Variants in DR1 observed in about 807,000 individuals in gnomAD.
DR1 encodes protein Dr1.
In DR1, 7 loss-of-function variants were observed where a neutral mutation model predicts 19.9. The ratio of observed to expected loss-of-function variants is 0.35; its 90% CI spans 0.20 to 0.66. The LOEUF (loss-of-function observed/expected upper bound fraction) is 0.66, where lower values mean the gene tolerates loss of function less well. Ranked by LOEUF, DR1 falls within the 30% of genes least tolerant of loss-of-function variation. The pLI, the probability that DR1 is intolerant of heterozygous loss-of-function variation, is 0.66. For synonymous variants in DR1, 76 were observed against 72.5 expected (o/e 1.05, Z -0.24); for missense variants, 98 against 203.7 (o/e 0.48, Z 3.16).
intron 2 of DR1, among the ~76,000 whole-genome samples, chr1:93,357,498 C>T (rs1035677812): frequency 6.9e-6 from 1 of 145,806 alleles, no homozygotes; most frequent in African/African-American, 2.5e-5. Flanking sequence ...GTCTGGACAA[C>T]ATAGCAAGAC....
chr1:93,361,395 T>G lies in DR1; in HGVS notation c.*756T>G, dbSNP rs2101640656. The G allele has an allele frequency of 6.5e-6, 1 of 152,704 alleles. No individual in the cohort carries two copies. Among genetic ancestry groups the G allele is most frequent in the South Asian group, 2.1e-4 (1 of 4,826 alleles). The allele number at this position is 152,704 out of a possible 1,614,324, so 9.5% of individuals were successfully genotyped here. A position where few individuals can be genotyped will look rare whatever the true frequency, so the allele number is the denominator to read the frequency against. ...ATGATTTTTACTCTTTCACTCCAAT[T>G]CAGTAATTGTTGATAGTATTACTTA... is the stretch of plus-strand genomic sequence containing the variant. On this transcript the variant is annotated 3_prime_UTR_variant, in exon 3 of 3. Coordinates refer to ENST00000370272, the MANE Select transcript of DR1 (RefSeq NM_001938.3).
intron 1 of DR1, among the ~76,000 whole-genome samples, chr1:93,352,388 T>C (rs547922778): frequency 3.0e-4 from 46 of 152,302 alleles, no homozygotes; most frequent in African/African-American, 1.1e-3. Flanking sequence ...GAATTTGATA[T>C]ACAGAACTTA....
In DR1 at chr1:93,352,999, A is replaced by G. The variant is rs114208466; in HGVS notation, c.221-909A>G. ...ATCCTCAATCTCCTGGACTTAAGCA[A>G]TCCTCTCACCTCAGCCTCCTGAGTA... On this transcript the variant is annotated intron_variant, in intron 1 of 2. Coordinates refer to ENST00000370272, the MANE Select transcript of DR1 (RefSeq NM_001938.3). Among the ~76,000 whole-genome samples the G allele has an allele frequency of 8.3e-3, 1,258 of 151,572 alleles. 16 individuals carry two copies. Among genetic ancestry groups the G allele is most frequent in the African/African-American group, 0.029 (1,205 of 41,184 alleles).
rs914771948 is a variant in DR1, at chr1:93,363,203, C to T, written c.*2564C>T. On this transcript the variant is annotated 3_prime_UTR_variant, in exon 3 of 3. Transcript: ENST00000370272. The stretch of plus-strand genomic sequence containing the variant: ...TCCCCATCTTAACACTGTCTTCTTT[C>T]TTGCTGAAAGTTACTATCCTGACTT... 2 of 152,146 alleles carry T rather than the reference C, an allele frequency of 1.3e-5. No individual in the cohort carries two copies. The highest frequency in any genetic ancestry group is 4.8e-5 in the African/African-American group (2 of 41,434). 9.4% of individuals were successfully genotyped at this position (152,146 alleles called of 1,614,324 possible).
intron 2 of DR1, among the ~76,000 whole-genome samples, chr1:93,356,010 A>G (rs1666976144): frequency 6.6e-6 from 1 of 152,190 alleles, no homozygotes; most frequent in Non-Finnish European, 1.5e-5. Flanking sequence ...AGTCATTTTA[A>G]TATGTGGGAG....
chr1:93,368,298 TTA>T lies in DR1; in HGVS notation c.*7661_*7662del, dbSNP rs1667190497. 6.6e-6 allele frequency: 1 copy of T among 152,238 alleles called. No homozygotes were observed. Among genetic ancestry groups the T allele is most frequent in the East Asian group, 1.9e-4 (1 of 5,202 alleles). The allele number at this position is 152,238 out of a possible 1,614,324, so 9.4% of individuals were successfully genotyped here. ...TAGTACATACTGTTTCCTTTTAACT[TTA>T]TGTTTCTTGCCTTTGTATATTTTAT... On this transcript the variant is annotated 3_prime_UTR_variant, in exon 3 of 3. Coordinates refer to ENST00000370272, the MANE Select transcript of DR1 (RefSeq NM_001938.3).
At chr1:93,360,401 G>A (rs1667037526) in intron 2 of DR1, 92 bp from the exon 3 acceptor site, 1 of 1,215,728 alleles carries the variant, frequency 8.2e-7, no homozygotes, top group Non-Finnish European at 1.1e-6. Flanking sequence ...ATAATAAACT[G>A]TCTGAAATTG....
In DR1 at chr1:93,360,489, T is replaced by C; in HGVS notation, c.385-4T>C. On this transcript the variant is annotated splice_polypyrimidine_tract_variant and splice_region_variant and intron_variant, in intron 2 of 2. Transcript: ENST00000370272. ...TTATTTTTTTTTATGTTTTGGGTGTTTAGGCTAGACAGCAACAAGCAGAAT... is the reference window on the plus strand; with the variant it reads ...TTATTTTTTTTTATGTTTTGGGTGTCTAGGCTAGACAGCAACAAGCAGAAT... The C allele has an allele frequency of 6.4e-7, 1 of 1,563,062 alleles. No individual in the cohort carries two copies. The highest frequency in any genetic ancestry group is 8.6e-7 in the Non-Finnish European group (1 of 1,161,596).
At chr1:93,347,586 G>GT (rs922641707) in intron 1 of DR1, among the ~76,000 whole-genome samples, 37 of 148,562 alleles carry the variant, frequency 2.5e-4, no homozygotes, top group East Asian at 3.9e-4. Context: ...GTTTATGCAA[G>GT]TTTTTTTTTT....
In DR1 at chr1:93,364,323, A is replaced by G. The variant is rs961069485; in HGVS notation, c.*3684A>G. ...CTTAGAAAAAATGCAAATTTTAAGT[A>G]ATCGTAAGTAGTATGTTGAATTAGT... is the stretch of plus-strand genomic sequence containing the variant. On this transcript the variant is annotated 3_prime_UTR_variant, in exon 3 of 3. Coordinates refer to ENST00000370272, the MANE Select transcript of DR1 (RefSeq NM_001938.3). 6.6e-6 allele frequency: 1 copy of G among 152,206 alleles called. No individual in the cohort carries two copies. The highest frequency in any genetic ancestry group is 1.5e-5 in the Non-Finnish European group (1 of 68,026). The allele number at this position is 152,206 out of a possible 1,614,324, so 9.4% of individuals were successfully genotyped here. A position where few individuals can be genotyped will look rare whatever the true frequency, so the allele number is the denominator to read the frequency against.
chr1:93,369,238 A>G lies in DR1; in HGVS notation c.*8599A>G, dbSNP rs1169985614. ...TCTTCCACTAGAACTTTTTTCCCCA[A>G]AAATACTCTGGAAATACTGGAACAA... is the stretch of plus-strand genomic sequence containing the variant. On this transcript the variant is annotated 3_prime_UTR_variant, in exon 3 of 3. Transcript: ENST00000370272. 5.3e-5 allele frequency: 8 copies of G among 152,126 alleles called. No homozygotes were observed. Among genetic ancestry groups the G allele is most frequent in the Admixed American group, 5.2e-4 (8 of 15,270 alleles). The allele number at this position is 152,126 out of a possible 1,614,324, so 9.4% of individuals were successfully genotyped here.
chr1:93,353,779 TA>T, intron 1 of DR1, 128 bp from the exon 2 acceptor site: 1 of 663,210 alleles, frequency 1.5e-6, no homozygotes, highest in Non-Finnish European at 2.4e-6. Context: ...ATAAAATAGG[TA>T]AAATTATTAG....
chr1:93,355,918 C>G (rs1666974909), intron 2 of DR1: 1 of 152,104 alleles, frequency 6.6e-6, no homozygotes, highest in Admixed American at 6.5e-5. Flanking sequence ...CAATGACAGC[C>G]TCATTTGAAG....
intron 1 of DR1, among the ~76,000 whole-genome samples, chr1:93,349,770 A>G (rs925634910): frequency 6.6e-6 from 1 of 152,180 alleles, no homozygotes; most frequent in Non-Finnish European, 1.5e-5. Flanking sequence ...GTAAGATAAC[A>G]TGAAAATAGA....
chr1:93,347,878 TAATC>T (rs998152120), intron 1 of DR1, among the ~76,000 whole-genome samples: 45 of 152,294 alleles, frequency 3.0e-4, no homozygotes, highest in African/African-American at 1.1e-3. Context: ...CCTTTTGTAA[TAATC>T]TAATTAAAGT....
Position 93,360,672 on chromosome 1 carries a change from A to G in DR1, c.*33A>G, listed in dbSNP as rs758545007. 4 of 1,575,578 alleles carry G rather than the reference A, an allele frequency of 2.5e-6. No homozygotes were observed. Among genetic ancestry groups the G allele is most frequent in the Middle Eastern group, 1.8e-4 (1 of 5,614 alleles). The stretch of plus-strand genomic sequence containing the variant: ...CAGCTGAGTTTCTATTTCTTCTATA[A>G]ATGTTTTTCCCTGCACAACAAAAAC... On this transcript the variant is annotated 3_prime_UTR_variant, in exon 3 of 3. Coordinates refer to ENST00000370272, the MANE Select transcript of DR1 (RefSeq NM_001938.3).
intron 1 of DR1, among the ~76,000 whole-genome samples, chr1:93,353,083 C>T (rs1666936105): frequency 6.6e-6 from 1 of 151,814 alleles, no homozygotes; most frequent in Admixed American, 6.6e-5. Context: ...TTTGTAGAGA[C>T]GAGGTCTTGC....
intron 1 of DR1, among the ~76,000 whole-genome samples, chr1:93,348,040 T>C (rs1322725620): frequency 6.6e-6 from 1 of 152,138 alleles, no homozygotes; most frequent in Non-Finnish European, 1.5e-5. Context: ...CTGCTTATAT[T>C]GACCATATCC....
At position 93,360,882 on chromosome 1, in the gene DR1, A is replaced by G; in HGVS notation, c.*243A>G. The G allele has an allele frequency of 2.5e-6, 1 of 403,016 alleles. No individual in the cohort carries two copies. The highest frequency in any genetic ancestry group is 4.8e-5 in the East Asian group (1 of 20,680). The allele number at this position is 403,016 out of a possible 1,614,324, so 25.0% of individuals were successfully genotyped here. ...TTTGAATTTTTAATGGTGTTTATGA[A>G]ATTTTAGATAGCAGCGAGTCCTTCG... On this transcript the variant is annotated 3_prime_UTR_variant, in exon 3 of 3. Coordinates refer to ENST00000370272, the MANE Select transcript of DR1 (RefSeq NM_001938.3).
Sources: allele counts gnomAD v4.1 joint callset (sites outside exome capture counted in the v4.1 genomes callset), GRCh38; gene constraint gnomAD v4.1.1; transcripts MANE v1.5; gene names NCBI Gene and HGNC (gene_info 2026-07-23, HGNC 2026-07-21).